Variants in MPC2 observed in about 807,000 individuals in gnomAD.
MPC2 encodes brain protein 44.
Under a neutral mutation model 19.2 loss-of-function variants are expected in MPC2, and 19 were observed. The ratio of observed to expected loss-of-function variants is 0.99; its 90% CI spans 0.69 to 1.45. The LOEUF (loss-of-function observed/expected upper bound fraction) is 1.45, where lower values mean the gene tolerates loss of function less well. Among genes scored for constraint, MPC2 ranks in the 40% most tolerant of loss-of-function variants. MPC2 has a pLI of 0.00. For missense variants in MPC2, 122 were observed against 153.0 expected (o/e 0.80, Z 1.07); for synonymous variants, 61 against 54.3 (o/e 1.12, Z -0.54).
chr1:167,937,024 G>A lies in MPC2; in HGVS notation c.-143C>T. The A allele has an allele frequency of 6.3e-7, 1 of 1,599,478 alleles. No homozygotes were observed. The highest frequency in any genetic ancestry group is 8.5e-7 in the Non-Finnish European group (1 of 1,173,078). On this transcript the variant is annotated 5_prime_UTR_variant, in exon 1 of 6. Transcript: ENST00000271373. ...CGCTACCTGGGTGAGCGGGGGCCCC[G>A]GGGCGGAGGCGCTGAGGTCGCCGCC...
At position 167,935,879 on chromosome 1, in the gene MPC2, G is replaced by A; in HGVS notation, c.-38C>T. The A allele has an allele frequency of 1.4e-6, 2 of 1,474,380 alleles. No individual in the cohort carries two copies. Among genetic ancestry groups the A allele is most frequent in the Non-Finnish European group, 1.9e-6 (2 of 1,078,964 alleles). The allele number at this position is 1,474,380 out of a possible 1,614,324, so 91.3% of individuals were successfully genotyped here. A position where few individuals can be genotyped will look rare whatever the true frequency, so the allele number is the denominator to read the frequency against. On this transcript the variant is annotated 5_prime_UTR_variant, in exon 2 of 6. Coordinates refer to ENST00000271373, the MANE Select transcript of MPC2 (RefSeq NM_001143674.4). Reference sequence around the variant, plus strand: ...ATCGTTGGCAGCCGGGTGGGAGCGTGGCTGTGTTCTCGTCCCTGGCTGACA... The same window carrying A: ...ATCGTTGGCAGCCGGGTGGGAGCGTAGCTGTGTTCTCGTCCCTGGCTGACA...
intron 2 of MPC2, among the ~76,000 whole-genome samples, chr1:167,925,467 A>ATATATATATAT (rs1670721785): frequency 8.7e-6 from 1 of 115,564 alleles, no homozygotes; most frequent in African/African-American, 4.3e-5. Context: ...ATATATATAT[A>ATATATATATAT]TATATATACA....
chr1:167,924,368 G>T, intron 3 of MPC2, 129 bp downstream of exon 3: 1 of 666,404 alleles, frequency 1.5e-6, no homozygotes, highest in Non-Finnish European at 2.4e-6. Context: ...GAGAATATTT[G>T]CCATGAAATC....
chr1:167,936,112 G>A (rs948019576), intron 1 of MPC2: 6 of 526,596 alleles, frequency 1.1e-5, no homozygotes, highest in African/African-American at 7.7e-5. Flanking sequence ...CATGGCAACA[G>A]GTGCCAAAAT....
At chr1:167,930,367 C>T (rs1478608118) in intron 2 of MPC2, among the ~76,000 whole-genome samples, 1 of 152,164 alleles carries the variant, frequency 6.6e-6, no homozygotes, top group Non-Finnish European at 1.5e-5. Context: ...TTTAGAAAGA[C>T]TGTTGAAATC....
chr1:167,933,330 G>A (rs1396421077), intron 2 of MPC2, among the ~76,000 whole-genome samples: 1 of 152,014 alleles, frequency 6.6e-6, no homozygotes, highest in African/African-American at 2.4e-5. Context: ...ACTACACCCG[G>A]CTAATTTTTG....
chr1:167,935,491 G>GT (rs1671092700), intron 2 of MPC2, among the ~76,000 whole-genome samples: 1 of 152,216 alleles, frequency 6.6e-6, no homozygotes, highest in Admixed American at 6.5e-5. Context: ...GGAGTCGTGC[G>GT]TAAGGGAGCG....
intron 2 of MPC2, among the ~76,000 whole-genome samples, chr1:167,933,417 T>G (rs902959744): frequency 1.3e-5 from 2 of 152,164 alleles, no homozygotes; most frequent in African/African-American, 4.8e-5. Context: ...TCCACCCACC[T>G]CAGCCTCCCA....
intron 3 of MPC2, among the ~76,000 whole-genome samples, chr1:167,922,233 A>C (rs1012273766): frequency 1.3e-5 from 2 of 152,172 alleles, no homozygotes; most frequent in Non-Finnish European, 2.9e-5. Flanking sequence ...GTATGATTTC[A>C]ACATGTACTT....
chr1:167,936,727 G>C, intron 1 of MPC2: 1 of 595,600 alleles, frequency 1.7e-6, no homozygotes, highest in Non-Finnish European at 3.0e-6. Flanking sequence ...GGCGAGCTCC[G>C]GCCCGGGTGC....
At chr1:167,925,140 C>G (rs1302375680) in intron 2 of MPC2, among the ~76,000 whole-genome samples, 1 of 151,968 alleles carries the variant, frequency 6.6e-6, no homozygotes, top group Non-Finnish European at 1.5e-5. Flanking sequence ...ATTTTTGTCC[C>G]TCTCGAATTC....
At chr1:167,921,000 T>TA (rs1361424930) in intron 3 of MPC2, among the ~76,000 whole-genome samples, 1 of 152,132 alleles carries the variant, frequency 6.6e-6, no homozygotes, top group African/African-American at 2.4e-5. Flanking sequence ...CACTAACCAC[T>TA]AGCATGGAAG....
At position 167,920,017 on chromosome 1, in the gene MPC2, C is replaced by G. The variant is rs758060310; in HGVS notation, c.309G>C (p.Val103=). 1.2e-6 allele frequency: 2 copies of G among 1,613,388 alleles called. No individual in the cohort carries two copies. The highest frequency in any genetic ancestry group is 1.7e-6 in the Non-Finnish European group (2 of 1,179,742). Residue 103 remains valine (V), a synonymous_variant, in exon 5 of 6, where the codon GTG becomes GTC. Transcript: ENST00000271373. The part of the protein sequence containing the change: ...NWSLFAVNFF[V]GAAGASQLFR... ...AAAGCTGAGAGGCTCCTGCTGCCCCCACAAAGAAATTAACAGCAAACAGAC... is the reference window on the plus strand; with the variant it reads ...AAAGCTGAGAGGCTCCTGCTGCCCCGACAAAGAAATTAACAGCAAACAGAC...
chr1:167,916,763 T>C lies in MPC2; in HGVS notation c.*1560A>G, dbSNP rs1670458508. ...TTTTTAATAAACTTTTTTGTGTCTATGTCATATTTCATAATGTTTTTCCTA... is the reference window on the plus strand; with the variant it reads ...TTTTTAATAAACTTTTTTGTGTCTACGTCATATTTCATAATGTTTTTCCTA... On this transcript the variant is annotated 3_prime_UTR_variant, in exon 6 of 6. Coordinates refer to ENST00000271373, the MANE Select transcript of MPC2 (RefSeq NM_001143674.4). 6.6e-6 allele frequency: 1 copy of C among 152,174 alleles called. No homozygotes were observed. The highest frequency in any genetic ancestry group is 6.5e-5 in the Admixed American group (1 of 15,290). The allele number at this position is 152,174 out of a possible 1,614,324, so 9.4% of individuals were successfully genotyped here. A position where few individuals can be genotyped will look rare whatever the true frequency, so the allele number is the denominator to read the frequency against.
rs1670461198 is a variant in MPC2, at chr1:167,916,833, A to T, written c.*1490T>A. 1 of 152,232 alleles carries T rather than the reference A, an allele frequency of 6.6e-6. No homozygotes were observed. The highest frequency in any genetic ancestry group is 6.5e-5 in the Admixed American group (1 of 15,278). The allele number at this position is 152,232 out of a possible 1,614,324, so 9.4% of individuals were successfully genotyped here. A position where few individuals can be genotyped will look rare whatever the true frequency, so the allele number is the denominator to read the frequency against. On this transcript the variant is annotated 3_prime_UTR_variant, in exon 6 of 6. Coordinates refer to ENST00000271373, the MANE Select transcript of MPC2 (RefSeq NM_001143674.4). ...ACATGTGTGCACACCCATGCCAAAC[A>T]CACAAATGAATTTAACAGTGTGGTT...
chr1:167,936,977 G>C lies in MPC2; in HGVS notation c.-96C>G, dbSNP rs1322802778. On this transcript the variant is annotated 5_prime_UTR_variant, in exon 1 of 6. Coordinates refer to ENST00000271373, the MANE Select transcript of MPC2 (RefSeq NM_001143674.4). ...TGAGGAAAAGGTCCCTCGGGCTGGAGGACCCGTCCCGGCTGCGGAGTCGCT... is the reference window on the plus strand; with the variant it reads ...TGAGGAAAAGGTCCCTCGGGCTGGACGACCCGTCCCGGCTGCGGAGTCGCT... The C allele has an allele frequency of 5.6e-6, 9 of 1,611,114 alleles. No individual in the cohort carries two copies. The highest frequency in any genetic ancestry group is 7.6e-6 in the Non-Finnish European group (9 of 1,179,202).
Position 167,936,927 on chromosome 1 carries a change from T to G in MPC2, c.-58+12A>C. The G allele has an allele frequency of 6.2e-7, 1 of 1,606,846 alleles. No individual in the cohort carries two copies. ...AGGCAGAGCCATGTCTCGGGGTGGC[T>G]CCTACCCACACCTGTTGTGGGACGT... On this transcript the variant is annotated intron_variant, in intron 1 of 5. Coordinates refer to ENST00000271373, the MANE Select transcript of MPC2 (RefSeq NM_001143674.4).
intron 2 of MPC2, among the ~76,000 whole-genome samples, chr1:167,931,829 T>C (rs941104679): frequency 1.2e-4 from 19 of 152,188 alleles, no homozygotes; most frequent in Admixed American, 2.0e-4. Context: ...TTATAAACAC[T>C]GATAACATTG....
intron 2 of MPC2, among the ~76,000 whole-genome samples, chr1:167,934,727 G>A (rs1671020187): frequency 6.6e-6 from 1 of 152,134 alleles, no homozygotes; most frequent in Non-Finnish European, 1.5e-5. Flanking sequence ...CTATGTAGGA[G>A]AATAAAAGCC....
Sources: allele counts gnomAD v4.1 joint callset (sites outside exome capture counted in the v4.1 genomes callset), GRCh38; gene constraint gnomAD v4.1.1; transcripts MANE v1.5; gene names NCBI Gene and HGNC (gene_info 2026-07-23, HGNC 2026-07-21).